Variants in INSIG2 observed in about 807,000 individuals in gnomAD.
INSIG2 encodes insulin-induced gene 2 protein.
INSIG2 carries 10 observed loss-of-function variants against 27.2 expected under a neutral mutation model. The ratio of observed to expected loss-of-function variants is 0.37; its 90% CI spans 0.23 to 0.62. INSIG2 has a LOEUF of 0.62. Ranked by LOEUF, INSIG2 falls within the 20% of genes least tolerant of loss-of-function variation. The probability of loss-of-function intolerance (pLI) is 0.65; values close to 1 mark genes in which losing one functional copy is unlikely to be tolerated. For synonymous variants in INSIG2, 97 were observed against 95.8 expected, an observed-to-expected ratio of 1.01 and a Z score of -0.07; for missense variants, 178 against 270.2, an observed-to-expected ratio of 0.66 and a Z score of 2.39.
In INSIG2 at chr2:118,109,508, A is replaced by G. The variant is rs1420011166; in HGVS notation, c.*1186A>G. 6.6e-6 allele frequency: 1 copy of G among 152,380 alleles called. No homozygotes were observed. The highest frequency in any genetic ancestry group is 1.5e-5 in the Non-Finnish European group (1 of 68,040). The allele number at this position is 152,380 out of a possible 1,614,324, so 9.4% of individuals were successfully genotyped here. A position where few individuals can be genotyped will look rare whatever the true frequency, so the allele number is the denominator to read the frequency against. On this transcript the variant is annotated 3_prime_UTR_variant, in exon 6 of 6. Coordinates refer to ENST00000245787, the MANE Select transcript of INSIG2 (RefSeq NM_016133.4). ...CACCTCTTAAGTATGGTTTAAACAT[A>G]TTCTTAGCTAATTTTTTCCATTAGT...
intron 1 of INSIG2, among the ~76,000 whole-genome samples, chr2:118,089,377 T>G (rs1678171871): frequency 6.6e-6 from 1 of 152,184 alleles, no homozygotes; most frequent in South Asian, 2.1e-4. Context: ...GCTTGGCAGC[T>G]GGGCCACTGA....
chr2:118,092,882 A>AGGAGGACGAGGAGAG (rs1678290430), intron 1 of INSIG2, among the ~76,000 whole-genome samples: 1 of 149,128 alleles, frequency 6.7e-6, no homozygotes, highest in Non-Finnish European at 1.5e-5. Flanking sequence ...GATGATGATG[A>AGGAGGACGAGGAGAG]TGAGGACGAG....
chr2:118,107,227 C>T (rs759441621), intron 5 of INSIG2, 38 bp downstream of exon 5: 2 of 1,415,024 alleles, frequency 1.4e-6, no homozygotes, highest in East Asian at 2.3e-5. Flanking sequence ...AGATGTGGAA[C>T]AAATGACAAG....
At chr2:118,094,396 T>G in intron 1 of INSIG2, among the ~76,000 whole-genome samples, 1 of 71,608 alleles carries the variant, frequency 1.4e-5, no homozygotes, top group Non-Finnish European at 2.9e-5. Flanking sequence ...GATGGAGAGT[T>G]CTGTAGCTAC....
At chr2:118,102,161 C>T (rs907488546) in intron 2 of INSIG2, among the ~76,000 whole-genome samples, 1 of 152,224 alleles carries the variant, frequency 6.6e-6, no homozygotes, top group East Asian at 1.9e-4. Flanking sequence ...TGCTTTTCAA[C>T]TGATGTGACA....
chr2:118,104,819 ATTTTTG>A (rs1258235549), intron 3 of INSIG2, among the ~76,000 whole-genome samples: 3 of 152,060 alleles, frequency 2.0e-5, no homozygotes, highest in East Asian at 3.9e-4. Flanking sequence ...TTCCACTTTG[ATTTTTG>A]TTTTTAAGTA....
At chr2:118,100,750 A>G (rs1678525102) in intron 2 of INSIG2, among the ~76,000 whole-genome samples, 1 of 152,152 alleles carries the variant, frequency 6.6e-6, no homozygotes, top group South Asian at 2.1e-4. Flanking sequence ...GTTGAAGGAA[A>G]ATATTATCTT....
At chr2:118,106,690 A>G in intron 3 of INSIG2, 47 bp from the exon 4 acceptor site, 1 of 1,498,188 alleles carries the variant, frequency 6.7e-7, no homozygotes, top group Non-Finnish European at 9.2e-7. Flanking sequence ...AACAGATGAT[A>G]TTATTTGGTT....
At chr2:118,093,392 A>AGG (rs1208153099) in intron 1 of INSIG2, among the ~76,000 whole-genome samples, 1 of 1,878 alleles carries the variant, frequency 5.3e-4, no homozygotes, top group Non-Finnish European at 3.6e-3. Context: ...GATGATGATG[A>AGG]AGGAGAGTTC....
At chr2:118,096,825 G>T in intron 2 of INSIG2, 25 bp downstream of exon 2, 2 of 1,605,266 alleles carry the variant, frequency 1.2e-6, no homozygotes, top group East Asian at 2.2e-5. Context: ...TTTCTGTAAT[G>T]CTTAGAAAGG....
Position 118,094,389 on chromosome 2 carries a change from G to GATGATGATGAT in INSIG2, c.-138-2030_-138-2029insATGATGATGAT, listed in dbSNP as rs58844046. ...ACCAGATGATGATGATGATGATGAT[G>GATGATGATGAT]GAGAGTTCTGTAGCTACTGAACCTT... On this transcript the variant is annotated intron_variant, in intron 1 of 5. Coordinates refer to ENST00000245787, the MANE Select transcript of INSIG2 (RefSeq NM_016133.4). Among the ~76,000 whole-genome samples the GATGATGATGAT allele has an allele frequency of 2.3e-3, 335 of 148,166 alleles. 1 individual carries two copies. The highest frequency in any genetic ancestry group is 0.014 in the Middle Eastern group (4 of 288).
intron 2 of INSIG2, among the ~76,000 whole-genome samples, chr2:118,099,650 A>G (rs1365322899): frequency 6.6e-6 from 1 of 152,238 alleles, no homozygotes; most frequent in Admixed American, 6.5e-5. Flanking sequence ...CAAAAATCAC[A>G]AGTAGCCTGG....
intron 1 of INSIG2, among the ~76,000 whole-genome samples, chr2:118,090,700 G>C (rs1678203841): frequency 6.6e-6 from 1 of 152,186 alleles, no homozygotes; most frequent in African/African-American, 2.4e-5. Context: ...GGTATTAATA[G>C]TAGTTTACCA....
chr2:118,091,510 T>C (rs888196802), intron 1 of INSIG2, among the ~76,000 whole-genome samples: 2 of 152,234 alleles, frequency 1.3e-5, no homozygotes, highest in Non-Finnish European at 2.9e-5. Context: ...TTATATAAAT[T>C]ATGGAACTTT....
At chr2:118,108,222 A>G in intron 5 of INSIG2, 59 bp from the exon 6 acceptor site, 1 of 1,090,908 alleles carries the variant, frequency 9.2e-7, no homozygotes. Flanking sequence ...GTTTATTTGG[A>G]AGTTGCTATT....
chr2:118,100,588 C>T (rs143522391), intron 2 of INSIG2, among the ~76,000 whole-genome samples: 35 of 151,934 alleles, frequency 2.3e-4, no homozygotes, highest in Non-Finnish European at 3.5e-4. Flanking sequence ...CCATGTTGGC[C>T]GGGCTGGTCT....
In INSIG2 at chr2:118,096,676, A is replaced by T; in HGVS notation, c.120A>T (p.Val40=). Residue 40 remains valine (V), a synonymous_variant, in exon 2 of 6, where the codon GTA becomes GTT. Transcript: ENST00000245787. ...IRGVVLFFIG[V]FLALVLNLLQ... is the part of the protein sequence containing the mutation. Reference sequence around the variant, plus strand: ...GAGTAGTGCTATTTTTTATTGGAGTATTTCTTGCATTAGTGTTAAATTTAC... The same window carrying T: ...GAGTAGTGCTATTTTTTATTGGAGTTTTTCTTGCATTAGTGTTAAATTTAC... The T allele has an allele frequency of 6.2e-7, 1 of 1,614,018 alleles. No homozygotes were observed. The highest frequency in any genetic ancestry group is 8.5e-7 in the Non-Finnish European group (1 of 1,179,966).
At chr2:118,097,963 T>A (rs750018372) in intron 2 of INSIG2, among the ~76,000 whole-genome samples, 1 of 152,206 alleles carries the variant, frequency 6.6e-6, no homozygotes, top group Non-Finnish European at 1.5e-5. Context: ...TCAGTGTTTA[T>A]ATACTGATGT....
intron 1 of INSIG2, among the ~76,000 whole-genome samples, chr2:118,094,814 G>A (rs750563071): frequency 3.9e-5 from 6 of 152,052 alleles, no homozygotes; most frequent in Admixed American, 6.5e-5. Flanking sequence ...CATTCTCTGC[G>A]GTTTACATGA....
Sources: gnomAD v4.1 joint callset for allele counts (sites outside exome capture counted in the v4.1 genomes callset) on GRCh38, gnomAD v4.1.1 for gene constraint, MANE v1.5 for transcripts, NCBI Gene and HGNC (gene_info 2026-07-23, HGNC 2026-07-21) for gene names.